STT3B: variants seen among roughly 807,000 people sequenced by gnomAD.
STT3B encodes the protein STT3 oligosaccharyltransferase complex catalytic subunit B.
In STT3B, 29 loss-of-function variants were observed where a neutral mutation model predicts 96.8. The observed-to-expected ratio is 0.30, with a 90% confidence interval of 0.22 to 0.41. The LOEUF (loss-of-function observed/expected upper bound fraction) is 0.41, where lower values mean the gene tolerates loss of function less well. Among genes scored for constraint, STT3B ranks in the 10% least tolerant of loss-of-function variants. STT3B has a pLI of 1.00. For missense variants in STT3B, 640 were observed against 1,022.3 expected, an observed-to-expected ratio of 0.63 and a Z score of 5.10; for synonymous variants, 367 against 360.0, an observed-to-expected ratio of 1.02 and a Z score of -0.22.
chr3:31,636,199 G>A lies in STT3B; in HGVS notation c.*135G>A, dbSNP rs548710347. Reference sequence around the variant, plus strand: ...CCAGGTTAATGTACAAAATTTTCTGGCAATGCCTGATTAAAAAAATAAAAT... The same window carrying A: ...CCAGGTTAATGTACAAAATTTTCTGACAATGCCTGATTAAAAAAATAAAAT... On this transcript the variant is annotated 3_prime_UTR_variant, in exon 16 of 16. Transcript: ENST00000295770. 236 of 567,626 alleles carry A rather than the reference G, an allele frequency of 4.2e-4. 1 individual carries two copies. Among genetic ancestry groups the A allele is most frequent in the Admixed American group, 8.7e-4 (22 of 25,222 alleles). The allele number at this position is 567,626 out of a possible 1,614,324, so 35.2% of individuals were successfully genotyped here.
chr3:31,558,483 G>T (rs544404340), intron 1 of STT3B, among the ~76,000 whole-genome samples: 1 of 152,260 alleles, frequency 6.6e-6, no homozygotes, highest in South Asian at 2.1e-4. Flanking sequence ...TTGAAGTGAT[G>T]TATCATATTT....
rs1268634826 is a variant in STT3B at position 31,533,096 on chromosome 3, A to T, written c.98A>T (p.His33Leu). 1.3e-6 allele frequency: 2 copies of T among 1,506,246 alleles called. No individual in the cohort carries two copies. The highest frequency in any genetic ancestry group is 5.5e-5 in the East Asian group (2 of 36,102). 93.3% of individuals were successfully genotyped at this position (1,506,246 alleles called of 1,614,324 possible). ...GCCCTGGGAAACAGCCGGCACGGCC[A>T]CCACGGGCCCGGGGCCCAGTGCGCG... is the stretch of plus-strand genomic sequence containing the variant. ...LMALGNSRHG[H>L]HGPGAQCAHK... The change falls in exon 1 of 16, where the codon CAC becomes CTC. Residue 33 changes from histidine (H) to leucine (L), a missense_variant. Physicochemically the swap from His to Leu is moderately conservative, Grantham distance 99. Coordinates refer to ENST00000295770, the MANE Select transcript of STT3B (RefSeq NM_178862.3).
intron 1 of STT3B, among the ~76,000 whole-genome samples, chr3:31,567,483 G>T (rs1188802421): frequency 2.0e-5 from 3 of 152,086 alleles, no homozygotes; most frequent in Non-Finnish European, 1.5e-5. Flanking sequence ...GGACATGTTT[G>T]TCGCTCATTG....
chr3:31,615,551 C>CA (rs1349473787), intron 6 of STT3B, among the ~76,000 whole-genome samples: 8 of 151,858 alleles, frequency 5.3e-5, no homozygotes, highest in African/African-American at 1.9e-4. Context: ...AGTTAAGAAT[C>CA]ACTATCTTAC....
chr3:31,553,310 T>G (rs1559362673), intron 1 of STT3B, among the ~76,000 whole-genome samples: 1 of 152,172 alleles, frequency 6.6e-6, no homozygotes, highest in Non-Finnish European at 1.5e-5. Flanking sequence ...TTTACAAGAA[T>G]GCTTGTTCAT....
intron 8 of STT3B, 98 bp downstream of exon 8, chr3:31,618,086 A>G: frequency 2.4e-6 from 2 of 844,428 alleles, no homozygotes; most frequent in South Asian, 1.4e-5. Flanking sequence ...TTCTTGGGCA[A>G]CACTTCTAAG....
At chr3:31,598,924 C>G (rs544086659) in intron 4 of STT3B, among the ~76,000 whole-genome samples, 2 of 152,196 alleles carry the variant, frequency 1.3e-5, no homozygotes, top group South Asian at 2.1e-4. Context: ...ATTCTCCTGC[C>G]TCAGCCTCCC....
At chr3:31,606,892 C>G (rs548163981) in intron 5 of STT3B, among the ~76,000 whole-genome samples, 1 of 152,212 alleles carries the variant, frequency 6.6e-6, no homozygotes, top group Admixed American at 6.5e-5. Flanking sequence ...AGGCTGTACC[C>G]TGTAAAGCCA....
In STT3B at chr3:31,595,108, CT is replaced by C. The variant is rs1164675794; in HGVS notation, c.712-1689del. Among the ~76,000 whole-genome samples, 3 of 152,190 alleles carry C rather than the reference CT, an allele frequency of 2.0e-5. No homozygotes were observed. In the East Asian group the frequency reaches 5.8e-4, roughly 29 times the overall value. On this transcript the variant is annotated intron_variant, in intron 3 of 15. Transcript: ENST00000295770. ...GTGACCTAAACCCAGCAAAGTCTAT[CT>C]GTTCAGATTCTTCTTGGCCTCTCTG...
chr3:31,535,995 A>G (rs1697083012), intron 1 of STT3B, among the ~76,000 whole-genome samples: 2 of 152,198 alleles, frequency 1.3e-5, no homozygotes, highest in African/African-American at 2.4e-5. Flanking sequence ...ATTTGTCAGT[A>G]TGAATCTAAT....
In STT3B at chr3:31,576,468, A is replaced by C. The variant is rs752375633; in HGVS notation, c.387A>C (p.Arg129Ser). 6.2e-7 allele frequency: 1 copy of C among 1,603,376 alleles called. No homozygotes were observed. The highest frequency in any genetic ancestry group is 8.5e-7 in the Non-Finnish European group (1 of 1,173,052). ...AATTTTTAAATTGGTTTGATGAAAG[A>C]GCATGGTATCCACTAGGAAGAATAG... ...FYEFLNWFDERAWYPLGRIVG... is the reference protein window; with the variant it reads ...FYEFLNWFDESAWYPLGRIVG... Residue 129 changes from arginine to serine, a missense_variant, in exon 2 of 16, where the codon AGA becomes AGC. Physicochemically the swap from Arg to Ser is moderately radical, Grantham distance 110. Coordinates refer to ENST00000295770, the MANE Select transcript of STT3B (RefSeq NM_178862.3).
intron 1 of STT3B, among the ~76,000 whole-genome samples, chr3:31,559,782 A>C (rs923104525): frequency 1.3e-5 from 2 of 152,030 alleles, no homozygotes; most frequent in Non-Finnish European, 2.9e-5. Context: ...GTGAGAGTGG[A>C]TTGTTAAAAG....
intron 4 of STT3B, among the ~76,000 whole-genome samples, chr3:31,599,531 T>C (rs577331332): frequency 6.6e-6 from 1 of 152,302 alleles, no homozygotes; most frequent in South Asian, 2.1e-4. Flanking sequence ...TCTGAAATAT[T>C]TTACGTAAGA....
At chr3:31,548,103 G>T (rs1480838065) in intron 1 of STT3B, among the ~76,000 whole-genome samples, 1 of 152,168 alleles carries the variant, frequency 6.6e-6, no homozygotes, top group Admixed American at 6.5e-5. Flanking sequence ...TCCAGCCATT[G>T]CATGATTGAG....
chr3:31,637,259 G>C lies in STT3B; in HGVS notation c.*1195G>C, dbSNP rs907184967. ...AGAGAAAGGGTTTTTCCTGCCACAG[G>C]ATATAACTTTTTTTTATATAACAAG... On this transcript the variant is annotated 3_prime_UTR_variant, in exon 16 of 16. Transcript: ENST00000295770. 6.6e-6 allele frequency: 1 copy of C among 152,118 alleles called. No homozygotes were observed. Among genetic ancestry groups the C allele is most frequent in the Non-Finnish European group, 1.5e-5 (1 of 68,016 alleles). 9.4% of individuals were successfully genotyped at this position (152,118 alleles called of 1,614,324 possible).
chr3:31,584,469 G>A (rs1698491148), intron 3 of STT3B, among the ~76,000 whole-genome samples: 2 of 151,812 alleles, frequency 1.3e-5, no homozygotes, highest in South Asian at 4.2e-4. Flanking sequence ...TTTTTTAAGT[G>A]GCATGATATT....
intron 5 of STT3B, among the ~76,000 whole-genome samples, chr3:31,614,055 C>G (rs935166830): frequency 6.6e-6 from 1 of 151,966 alleles, no homozygotes; most frequent in Non-Finnish European, 1.5e-5. Context: ...TAGCCCCTAA[C>G]TTCCTTCTCT....
intron 1 of STT3B, among the ~76,000 whole-genome samples, chr3:31,552,480 C>G (rs1169598561): frequency 6.6e-6 from 1 of 152,126 alleles, no homozygotes; most frequent in Non-Finnish European, 1.5e-5. Flanking sequence ...CCTTATTTGA[C>G]TTTTAAAAAC....
rs1443776034 is a variant in STT3B, at chr3:31,549,622, C to T, written c.314+16310C>T. 3.9e-5 allele frequency among the ~76,000 whole-genome samples: 6 copies of T among 151,952 alleles called. No homozygotes were observed. The East Asian group carries it at 5.8e-4, about 15-fold the overall frequency. ...TATATGACTATGGGTCTGACTTAAA[C>T]GTGTATTATGTATTTCTATATCTAA... On this transcript the variant is annotated intron_variant, in intron 1 of 15. Coordinates refer to ENST00000295770, the MANE Select transcript of STT3B (RefSeq NM_178862.3).
Sources: gnomAD v4.1 joint callset for allele counts (sites outside exome capture counted in the v4.1 genomes callset) on GRCh38, gnomAD v4.1.1 for gene constraint, MANE v1.5 for transcripts, NCBI Gene and HGNC (gene_info 2026-07-23, HGNC 2026-07-21) for gene names.